Variants in CPNE4 observed in about 807,000 individuals in gnomAD.
CPNE4 encodes copine-4.
In CPNE4, 25 loss-of-function variants were observed where a neutral mutation model predicts 67.9. The ratio of observed to expected loss-of-function variants is 0.37; its 90% CI spans 0.27 to 0.51. The LOEUF (loss-of-function observed/expected upper bound fraction) is 0.51, where lower values mean the gene tolerates loss of function less well. Ranked by LOEUF, CPNE4 falls within the 20% of genes least tolerant of loss-of-function variation. The pLI is 0.93. For missense variants in CPNE4, 464 were observed against 690.8 expected, an observed-to-expected ratio of 0.67 and a Z score of 3.68; for synonymous variants, 242 against 244.9, an observed-to-expected ratio of 0.99 and a Z score of 0.11.
chr3:132,029,102 T>G (rs1289117342), intron 1 of CPNE4, among the ~76,000 whole-genome samples: 1 of 152,130 alleles, frequency 6.6e-6, no homozygotes, highest in Non-Finnish European at 1.5e-5. Flanking sequence ...CCCAAATGCC[T>G]GGATCTTGAA....
chr3:131,769,126 T>A (rs1372570711), intron 2 of CPNE4, among the ~76,000 whole-genome samples: 1 of 152,168 alleles, frequency 6.6e-6, no homozygotes, highest in Admixed American at 6.6e-5. Flanking sequence ...ATGGATTCCC[T>A]AGTGTTAGGT....
At chr3:131,587,768 G>A (rs1273072355) in intron 7 of CPNE4, among the ~76,000 whole-genome samples, 186 bp from the exon 8 acceptor site, 1 of 152,184 alleles carries the variant, frequency 6.6e-6, no homozygotes, top group Non-Finnish European at 1.5e-5. Flanking sequence ...TGGACTTTTT[G>A]TAATCTGCAA....
At chr3:131,893,268 GAA>G (rs2107746335) in intron 2 of CPNE4, among the ~76,000 whole-genome samples, 1 of 151,972 alleles carries the variant, frequency 6.6e-6, no homozygotes, top group South Asian at 2.1e-4. Flanking sequence ...ATTCAACAAA[GAA>G]TATAACAATT....
At chr3:131,718,013 CTTTCT>C (rs1028089889) in intron 3 of CPNE4, among the ~76,000 whole-genome samples, 3 of 149,128 alleles carry the variant, frequency 2.0e-5, no homozygotes, top group African/African-American at 7.5e-5. Flanking sequence ...CTCTTTCTTT[CTTTCT>C]TTTGAGACAG....
intron 1 of CPNE4, among the ~76,000 whole-genome samples, chr3:131,920,458 T>C (rs2107807443): frequency 6.6e-6 from 1 of 152,260 alleles, no homozygotes; most frequent in Non-Finnish European, 1.5e-5. Flanking sequence ...TTTACATGTC[T>C]GCAAAGTCCT....
intron 1 of CPNE4, among the ~76,000 whole-genome samples, chr3:131,971,411 G>A (rs1419738122): frequency 6.6e-6 from 1 of 152,088 alleles, no homozygotes; most frequent in Non-Finnish European, 1.5e-5. Flanking sequence ...GCAAACATTT[G>A]GAACTATCTT....
At chr3:131,765,566 C>T (rs1487812179) in intron 2 of CPNE4, among the ~76,000 whole-genome samples, 6 of 152,074 alleles carry the variant, frequency 3.9e-5, no homozygotes, top group Non-Finnish European at 8.8e-5. Context: ...AAGATTCTCC[C>T]TTCACTTCCC....
chr3:131,974,274 C>A (rs140363264), intron 1 of CPNE4, among the ~76,000 whole-genome samples: 1 of 152,278 alleles, frequency 6.6e-6, no homozygotes, highest in Non-Finnish European at 1.5e-5. Flanking sequence ...TGTAAAATGT[C>A]TTGTGCACAT....
chr3:131,941,770 A>T (rs2071396064), intron 1 of CPNE4, among the ~76,000 whole-genome samples: 1 of 152,060 alleles, frequency 6.6e-6, no homozygotes, highest in African/African-American at 2.4e-5. Flanking sequence ...TTAATAAAAA[A>T]TTTTCCTTCT....
chr3:131,570,376 T>C (rs1310508239), intron 10 of CPNE4, among the ~76,000 whole-genome samples: 1 of 151,996 alleles, frequency 6.6e-6, no homozygotes, highest in East Asian at 1.9e-4. Flanking sequence ...AGGGTACATG[T>C]GCACATTGTG....
intron 2 of CPNE4, among the ~76,000 whole-genome samples, chr3:131,898,685 A>G (rs2088430947): frequency 6.6e-6 from 1 of 152,108 alleles, no homozygotes; most frequent in South Asian, 2.1e-4. Flanking sequence ...AAAGTTGAAC[A>G]TCATGGAACC....
chr3:131,774,776 A>G (rs1332394184), intron 2 of CPNE4, among the ~76,000 whole-genome samples: 3 of 152,134 alleles, frequency 2.0e-5, no homozygotes, highest in African/African-American at 7.2e-5. Flanking sequence ...GCTGCAATAC[A>G]CAGAAGTTCT....
At chr3:131,934,773 G>C (rs559264492) in intron 1 of CPNE4, among the ~76,000 whole-genome samples, 1 of 152,294 alleles carries the variant, frequency 6.6e-6, no homozygotes, top group South Asian at 2.1e-4. Flanking sequence ...GTGGGAGCTA[G>C]AGGGAATACC....
chr3:131,801,063 G>A (rs779747348), intron 2 of CPNE4, among the ~76,000 whole-genome samples: 2 of 152,028 alleles, frequency 1.3e-5, no homozygotes, highest in Non-Finnish European at 2.9e-5. Flanking sequence ...ATGTCTAGTA[G>A]AGTAAGTATC....
intron 2 of CPNE4, among the ~76,000 whole-genome samples, chr3:131,767,968 G>T (rs560888729): frequency 4.6e-5 from 7 of 152,126 alleles, no homozygotes; most frequent in African/African-American, 1.7e-4. Flanking sequence ...TTCCACTCAA[G>T]TCTAGTTAAG....
chr3:131,542,056 A>T (rs1935530535), intron 15 of CPNE4, among the ~76,000 whole-genome samples: 1 of 152,164 alleles, frequency 6.6e-6, no homozygotes, highest in South Asian at 2.1e-4. Context: ...TTTTTTATAG[A>T]GGATTTAGGT....
upstream of CPNE4, chr3:132,037,693 G>A: frequency 8.4e-7 from 1 of 1,191,266 alleles, no homozygotes; most frequent in Non-Finnish European, 1.2e-6. Flanking sequence ...GCTCTGGGTA[G>A]ATTCACTCGC....
chr3:131,955,213 TA>T (rs2071910760), intron 1 of CPNE4, among the ~76,000 whole-genome samples: 1 of 151,916 alleles, frequency 6.6e-6, no homozygotes, highest in Non-Finnish European at 1.5e-5. Context: ...AAATTAACAG[TA>T]CCATTTCTAA....
intron 2 of CPNE4, among the ~76,000 whole-genome samples, chr3:131,780,856 G>C (rs926184815): frequency 2.6e-5 from 4 of 151,980 alleles, no homozygotes; most frequent in Non-Finnish European, 4.4e-5. Flanking sequence ...AGAAAAAAAA[G>C]ACAGCACCAA....
Sources: gnomAD v4.1 joint callset for allele counts (sites outside exome capture counted in the v4.1 genomes callset) on GRCh38, gnomAD v4.1.1 for gene constraint, MANE v1.5 for transcripts, NCBI Gene and HGNC (gene_info 2026-07-23, HGNC 2026-07-21) for gene names.